Variants in FBXW11 observed in about 807,000 individuals in gnomAD.
The protein encoded by FBXW11 is F-box and WD repeat domain containing 11.
Under a neutral mutation model 77.6 loss-of-function variants are expected in FBXW11, and 19 were observed. The ratio of observed to expected loss-of-function variants is 0.24; its 90% confidence interval spans 0.17 to 0.36. The LOEUF (loss-of-function observed/expected upper bound fraction) is 0.36, where lower values mean the gene tolerates loss of function less well. Among genes scored for constraint, FBXW11 ranks in the 10% least tolerant of loss-of-function variants. FBXW11 has a pLI of 1.00. For synonymous variants in FBXW11, 235 were observed against 249.4 expected (o/e 0.94, Z 0.54); for missense variants, 334 against 704.2 (o/e 0.47, Z 5.95).
intron 13 of FBXW11, 84 bp downstream of exon 13, chr5:171,868,526 A>C: frequency 8.4e-7 from 1 of 1,186,084 alleles, no homozygotes; most frequent in Non-Finnish European, 1.2e-6. Context: ...TTCACACATC[A>C]CCAAGGAACC....
At chr5:171,958,010 A>G (rs1763705903) in intron 1 of FBXW11, among the ~76,000 whole-genome samples, 1 of 152,246 alleles carries the variant, frequency 6.6e-6, no homozygotes, top group Non-Finnish European at 1.5e-5. Flanking sequence ...AAACAAGATT[A>G]GTGGTGAGAT....
intron 1 of FBXW11, among the ~76,000 whole-genome samples, chr5:171,963,591 CTT>C (rs1230872196): frequency 6.6e-6 from 1 of 151,988 alleles, no homozygotes; most frequent in African/African-American, 2.4e-5. Context: ...ATGTGAATGA[CTT>C]TTTTTTCTGC....
chr5:171,868,775 G>T lies in FBXW11; in HGVS notation c.1552C>A (p.Arg518=). The change falls in exon 13 of 14, where the codon CGG becomes AGG. Residue 518 remains arginine, a synonymous_variant. Transcript: ENST00000517395. ...ATCTGAAACTCATCAAACTGGAGCC[G>T]AAACACACGTCCAGAATGTTCCTAT... ...TLVEHSGRVF[R]LQFDEFQIIS... 3 of 1,613,558 alleles carry T rather than the reference G, an allele frequency of 1.9e-6. No homozygotes were observed. The highest frequency in any genetic ancestry group is 2.5e-6 in the Non-Finnish European group (3 of 1,179,756).
intron 2 of FBXW11, among the ~76,000 whole-genome samples, chr5:171,931,852 CCTCCCTCCCTCTCTCT>C (rs1313225104): frequency 1.9e-3 from 21 of 11,092 alleles, no homozygotes; most frequent in African/African-American, 6.1e-3. Context: ...TCCCTCCCTC[CCTCCCTCCCTCTCTCT>C]CTCTCTCTCT....
intron 1 of FBXW11, among the ~76,000 whole-genome samples, chr5:171,998,983 T>C (rs1303852702): frequency 1.3e-5 from 2 of 152,138 alleles, no homozygotes; most frequent in Admixed American, 6.6e-5. Context: ...GTTCTGATTG[T>C]TCATATTGTA....
chr5:171,994,610 A>G (rs1765926699), intron 1 of FBXW11, among the ~76,000 whole-genome samples: 1 of 152,168 alleles, frequency 6.6e-6, no homozygotes, highest in African/African-American at 2.4e-5. Context: ...TATAAGGATA[A>G]AAAAAAGTTT....
intron 2 of FBXW11, among the ~76,000 whole-genome samples, chr5:171,921,413 A>G (rs1259530974): frequency 6.6e-6 from 1 of 152,222 alleles, no homozygotes; most frequent in Non-Finnish European, 1.5e-5. Context: ...CTAGTAAATG[A>G]GAGACACAGG....
At chr5:171,886,510 C>T (rs1275570532) in intron 7 of FBXW11, among the ~76,000 whole-genome samples, 1 of 151,796 alleles carries the variant, frequency 6.6e-6, no homozygotes, top group Non-Finnish European at 1.5e-5. Flanking sequence ...CAACATGGCA[C>T]ATGTATACAT....
At chr5:171,909,534 C>T (rs1314966925) in intron 4 of FBXW11, among the ~76,000 whole-genome samples, 1 of 152,190 alleles carries the variant, frequency 6.6e-6, no homozygotes, top group Non-Finnish European at 1.5e-5. Context: ...ATGTACTGCT[C>T]TGCTGTGCAA....
rs1372779982 is a variant in FBXW11, at chr5:171,904,652, A to T, written c.437-4552T>A. On this transcript the variant is annotated intron_variant, in intron 4 of 13. Transcript: ENST00000517395. The surrounding 1 kb of genome is among the most constrained non-coding windows in gnomAD (Gnocchi z 4.0). ...AGTGGTGGGATCTCAGCTCACTGCA[A>T]CCTCCACCTCCTGGGTTCAAGCGAT... Among the ~76,000 whole-genome samples the T allele has an allele frequency of 6.6e-6, 1 of 151,692 alleles. No homozygotes were observed. The highest frequency in any genetic ancestry group is 1.5e-5 in the Non-Finnish European group (1 of 67,944).
chr5:171,926,115 C>T (rs1761876342), intron 2 of FBXW11, among the ~76,000 whole-genome samples: 1 of 152,166 alleles, frequency 6.6e-6, no homozygotes, highest in Non-Finnish European at 1.5e-5. Context: ...TTAAAGTACA[C>T]ACGTATCTTT....
chr5:171,963,224 CA>C (rs1764002286), intron 1 of FBXW11, among the ~76,000 whole-genome samples: 1 of 151,876 alleles, frequency 6.6e-6, no homozygotes, highest in South Asian at 2.1e-4. Context: ...TATACATACA[CA>C]CACAAATATG....
At chr5:171,916,551 A>G (rs944215370) in intron 2 of FBXW11, 2 of 726,564 alleles carry the variant, frequency 2.8e-6, no homozygotes, top group African/African-American at 1.9e-5. Flanking sequence ...AGAACAAGGA[A>G]ACAAAGGTAG....
chr5:171,991,317 G>A (rs1215336871), intron 1 of FBXW11, among the ~76,000 whole-genome samples: 1 of 152,090 alleles, frequency 6.6e-6, no homozygotes, highest in Admixed American at 6.6e-5. Flanking sequence ...AATAGCATAC[G>A]ACAAAAATAT....
In FBXW11 at chr5:171,872,988, G is replaced by A; in HGVS notation, c.1224C>T (p.Val408=). ...CAAATTCACAGGTGCTCGTGCTCCAGACCTGTATAACAAATTAACAGTATT... is the reference window on the plus strand; with the variant it reads ...CAAATTCACAGGTGCTCGTGCTCCAAACCTGTATAACAAATTAACAGTATT... ...VSASGDRTIK[V]WSTSTCEFVR... is the part of the protein sequence containing the mutation. The change falls in exon 10 of 14, where the codon GTC becomes GTT. Residue 408 remains valine (V), a splice_region_variant and synonymous_variant. Transcript: ENST00000517395. 6.2e-7 allele frequency: 1 copy of A among 1,611,680 alleles called. No individual in the cohort carries two copies. Among genetic ancestry groups the A allele is most frequent in the Non-Finnish European group, 8.5e-7 (1 of 1,178,224 alleles).
chr5:171,916,482 C>T (rs1761261280), intron 2 of FBXW11: 1 of 985,066 alleles, frequency 1.0e-6, no homozygotes, highest in Admixed American at 6.2e-5. Context: ...GGCAGTGTGT[C>T]CAAGAGTCCA....
chr5:171,908,150 T>C (rs839286), intron 4 of FBXW11, among the ~76,000 whole-genome samples: 141,656 of 152,270 alleles, frequency 0.93, 65,984 homozygotes, highest in East Asian at 1. Context: ...AGTCTGATTC[T>C]ATAGGTTTCT....
intron 2 of FBXW11, among the ~76,000 whole-genome samples, chr5:171,952,370 A>G (rs1457712040): frequency 7.2e-6 from 1 of 137,934 alleles, no homozygotes; most frequent in African/African-American, 2.6e-5. Flanking sequence ...TTAACCATAT[A>G]TACATACACA....
intron 1 of FBXW11, among the ~76,000 whole-genome samples, chr5:171,976,330 A>G (rs1336559122): frequency 1.3e-5 from 2 of 152,230 alleles, no homozygotes; most frequent in Admixed American, 6.5e-5. Flanking sequence ...CAAGAGTTTA[A>G]GTAGCAAATA....
Sources: gnomAD v4.1 joint callset for allele counts (sites outside exome capture counted in the v4.1 genomes callset) on GRCh38, gnomAD v4.1.1 for gene constraint, Gnocchi (gnomAD v3.1) non-coding constraint, MANE v1.5 for transcripts, NCBI Gene and HGNC (gene_info 2026-07-23, HGNC 2026-07-21) for gene names.